Variants in MAML3 observed in about 807,000 individuals in gnomAD.
The protein encoded by MAML3 is mastermind like transcriptional coactivator 3.
A neutral mutation model predicts 101.9 loss-of-function variants in MAML3; 27 were observed. The observed-to-expected ratio is 0.27, with a 90% CI of 0.20 to 0.37. MAML3 has a LOEUF of 0.37. MAML3 is among the 10% of genes least tolerant of loss of function. The probability of loss-of-function intolerance (pLI) is 1.00; values close to 1 mark genes in which losing one functional copy is unlikely to be tolerated. For missense variants in MAML3, 1,316 were observed against 1,444.9 expected (o/e 0.91, Z 1.45); for synonymous variants, 501 against 555.9 (o/e 0.90, Z 1.39).
Position 139,890,303 on chromosome 4 carries a change from G to A in MAML3, c.1133C>T (p.Pro378Leu). ...AGAAAAGGGAGGACCAGAAGAAGAAGGCCTCGCCTGGGGAGATCCCATGGA... is the reference window on the plus strand; with the variant it reads ...AGAAAAGGGAGGACCAGAAGAAGAAAGCCTCGCCTGGGGAGATCCCATGGA... ...HVSMGSPQAR[P>L]SSSGPPFSTV... The change falls in exon 2 of 5, where the codon CCT becomes CTT. Residue 378 changes from proline (P) to leucine (L), a missense_variant. Transcript: ENST00000509479. This position sits in a 1 kb window ranked among gnomAD's most constrained non-coding sequence, Gnocchi z 4.1. 6.2e-7 allele frequency: 1 copy of A among 1,613,670 alleles called. No homozygotes were observed. The highest frequency in any genetic ancestry group is 8.5e-7 in the Non-Finnish European group (1 of 1,179,736).
intron 1 of MAML3, among the ~76,000 whole-genome samples, chr4:140,121,688 T>C (rs746187389): frequency 1.6e-4 from 25 of 152,230 alleles, no homozygotes; most frequent in African/African-American, 5.8e-4. Flanking sequence ...AATTTAAATA[T>C]ACTAGAGGTA....
At chr4:140,016,615 C>T (rs1434311540) in intron 1 of MAML3, among the ~76,000 whole-genome samples, 1 of 151,920 alleles carries the variant, frequency 6.6e-6, no homozygotes, top group African/African-American at 2.4e-5. Flanking sequence ...AATAGAGAAC[C>T]CAGAGATAGA....
intron 1 of MAML3, among the ~76,000 whole-genome samples, chr4:139,990,908 G>A (rs4484239): frequency 0.97 from 148,028 of 152,260 alleles, 72,118 homozygotes; most frequent in Middle Eastern, 1. Flanking sequence ...AAGAGGATAC[G>A]AAGAAATGGA....
chr4:139,862,081 C>T (rs1043186427), intron 2 of MAML3, among the ~76,000 whole-genome samples: 6 of 152,054 alleles, frequency 3.9e-5, no homozygotes, highest in African/African-American at 1.5e-4. Flanking sequence ...TGGTGGCAGG[C>T]ACCTGTAATC....
intron 1 of MAML3, among the ~76,000 whole-genome samples, chr4:140,021,463 A>T (rs1726732274): frequency 6.6e-6 from 1 of 152,186 alleles, no homozygotes; most frequent in Non-Finnish European, 1.5e-5. Context: ...TCTAATCTTT[A>T]TACATCCCTG....
At chr4:139,928,410 A>C (rs955526708) in intron 1 of MAML3, among the ~76,000 whole-genome samples, 1 of 152,208 alleles carries the variant, frequency 6.6e-6, no homozygotes, top group Non-Finnish European at 1.5e-5. Context: ...GGCTACAAGA[A>C]AACATATTAA....
chr4:139,731,372 T>TTGGG (rs1337950240), intron 2 of MAML3: 1 of 141,934 alleles, frequency 7.0e-6, no homozygotes, highest in African/African-American at 2.7e-5. Flanking sequence ...GCCCAGTACT[T>TTGGG]TGGGTGGATC....
intron 2 of MAML3, among the ~76,000 whole-genome samples, chr4:139,830,336 A>G (rs1414135136): frequency 6.6e-6 from 1 of 152,002 alleles, no homozygotes; most frequent in Non-Finnish European, 1.5e-5. Context: ...ATAATCAATG[A>G]TCCTATACAA....
chr4:139,912,560 T>C (rs989826482), intron 1 of MAML3, among the ~76,000 whole-genome samples: 9 of 152,186 alleles, frequency 5.9e-5, no homozygotes, highest in Non-Finnish European at 8.8e-5. Flanking sequence ...CATTTGGAAA[T>C]AGGATCTTTG....
chr4:139,911,562 C>T (rs1732919749), intron 1 of MAML3, among the ~76,000 whole-genome samples: 1 of 152,156 alleles, frequency 6.6e-6, no homozygotes, highest in African/African-American at 2.4e-5. Flanking sequence ...TGGTATATTG[C>T]TATGGTCTAA....
At chr4:140,014,012 T>A (rs985278324) in intron 1 of MAML3, among the ~76,000 whole-genome samples, 1 of 152,240 alleles carries the variant, frequency 6.6e-6, no homozygotes, top group Non-Finnish European at 1.5e-5. Context: ...TTCAGTGGTA[T>A]GGGCAAAGCC....
intron 1 of MAML3, among the ~76,000 whole-genome samples, chr4:140,072,270 A>G (rs950356000): frequency 1.3e-5 from 2 of 152,230 alleles, no homozygotes; most frequent in African/African-American, 4.8e-5. Context: ...ACTGTACTGA[A>G]CATGTACAGA....
At chr4:139,892,329 C>A (rs551851532) in intron 1 of MAML3, among the ~76,000 whole-genome samples, 1 of 152,304 alleles carries the variant, frequency 6.6e-6, no homozygotes, top group African/African-American at 2.4e-5. Flanking sequence ...TTATTCAAGT[C>A]AGATACTTGA....
chr4:140,152,815 C>A (rs760671765), intron 1 of MAML3, 45 bp downstream of exon 1: 3 of 1,580,136 alleles, frequency 1.9e-6, no homozygotes, highest in African/African-American at 2.7e-5. Context: ...ACCACCACCA[C>A]CACCCCCAAC....
chr4:139,853,502 C>G (rs1171849703), intron 2 of MAML3, among the ~76,000 whole-genome samples: 3 of 151,934 alleles, frequency 2.0e-5, no homozygotes, highest in Non-Finnish European at 4.4e-5. Flanking sequence ...CTGGAGGTAC[C>G]TAGGGGACAT....
Position 139,781,508 on chromosome 4 carries a change from C to CATATATATATATAT in MAML3, c.2080-50855_2080-50842dup, listed in dbSNP as rs10568513. ...TCTTCTAATGATCGCAGAGCATTTT[C>CATATATATATATAT]ATATATATATATATATATATATAGT... is the stretch of plus-strand genomic sequence containing the variant. On this transcript the variant is annotated intron_variant, in intron 2 of 4. Coordinates refer to ENST00000509479, the MANE Select transcript of MAML3 (RefSeq NM_018717.5). 1.9e-3 allele frequency among the ~76,000 whole-genome samples: 260 copies of CATATATATATATAT among 137,052 alleles called. 3 individuals carry two copies. Among genetic ancestry groups the CATATATATATATAT allele is most frequent in the African/African-American group, 6.1e-3 (232 of 38,236 alleles). The allele number at this position is 137,052 out of a possible 152,430, so 89.9% of individuals were successfully genotyped here. A position where few individuals can be genotyped will look rare whatever the true frequency, so the allele number is the denominator to read the frequency against.
At chr4:139,989,330 G>A (rs1423889979) in intron 1 of MAML3, among the ~76,000 whole-genome samples, 1 of 152,150 alleles carries the variant, frequency 6.6e-6, no homozygotes, top group Non-Finnish European at 1.5e-5. Context: ...TGAGGTCTCT[G>A]GAGCACTTGC....
chr4:139,873,049 T>A (rs1732045619), intron 2 of MAML3, among the ~76,000 whole-genome samples: 1 of 152,070 alleles, frequency 6.6e-6, no homozygotes, highest in Admixed American at 6.5e-5. Flanking sequence ...GCCACTGCAC[T>A]CCAGCCTGGG....
At chr4:139,796,135 A>G (rs1264418335) in intron 2 of MAML3, among the ~76,000 whole-genome samples, 1 of 152,206 alleles carries the variant, frequency 6.6e-6, no homozygotes. Flanking sequence ...TTTTGTATAA[A>G]CAAAGGATAA....
Sources: allele counts gnomAD v4.1 joint callset (sites outside exome capture counted in the v4.1 genomes callset), GRCh38; gene constraint gnomAD v4.1.1; non-coding constraint Gnocchi (gnomAD v3.1); transcripts MANE v1.5; gene names NCBI Gene and HGNC (gene_info 2026-07-23, HGNC 2026-07-21).